The following GALNT16 variants were observed in gnomAD, a reference collection of about 807,000 sequenced individuals.
GALNT16 encodes the protein UDP-GalNAc:polypeptide N-acetylgalactosaminyltransferase-like protein 1.
A neutral mutation model predicts 76.1 loss-of-function variants in GALNT16; 40 were observed. That is an observed-to-expected ratio of 0.53 (90% confidence interval 0.41 to 0.68). The LOEUF is 0.68. GALNT16 is among the 30% of genes least tolerant of loss of function. The pLI, the probability that GALNT16 is intolerant of heterozygous loss-of-function variation, is 0.00. For missense variants in GALNT16, 621 were observed against 731.9 expected, an observed-to-expected ratio of 0.85 and a Z score of 1.75; for synonymous variants, 276 against 285.2, an observed-to-expected ratio of 0.97 and a Z score of 0.32.
chr14:69,265,694 G>C (rs143551190), intron 1 of GALNT16, among the ~76,000 whole-genome samples: 1 of 152,362 alleles, frequency 6.6e-6, no homozygotes, highest in Non-Finnish European at 1.5e-5. Context: ...GACGTGGAAA[G>C]GAGCAGAGGA....
intron 1 of GALNT16, among the ~76,000 whole-genome samples, chr14:69,300,529 G>T (rs1373091978): frequency 6.6e-6 from 1 of 152,178 alleles, no homozygotes; most frequent in African/African-American, 2.4e-5. Context: ...AGGGTCTGGG[G>T]TGATGTTTGA....
the GALNT16 span, among the ~76,000 whole-genome samples, chr14:69,377,154 TCA>T: frequency 6.6e-6 from 1 of 152,192 alleles, no homozygotes; most frequent in East Asian, 1.9e-4. Context: ...TAAGACCTCT[TCA>T]GGTCTTGTGA....
intron 1 of GALNT16, among the ~76,000 whole-genome samples, chr14:69,269,576 G>A (rs1224552520): frequency 6.6e-6 from 1 of 150,630 alleles, no homozygotes; most frequent in East Asian, 2.0e-4. Context: ...TATAGTGTGT[G>A]TGTGTGATTT....
At chr14:69,384,924 C>T in the GALNT16 span, among the ~76,000 whole-genome samples, 15 of 152,230 alleles carry the variant, frequency 9.9e-5, no homozygotes, top group African/African-American at 3.6e-4. Flanking sequence ...CATCTCCTAC[C>T]CTCTCTTGGC....
At chr14:69,337,171 A>G (rs1052770854) in intron 9 of GALNT16, among the ~76,000 whole-genome samples, 3 of 152,220 alleles carry the variant, frequency 2.0e-5, no homozygotes, top group Non-Finnish European at 2.9e-5. Flanking sequence ...TGCTGAGTGA[A>G]CTAAAGAATC....
At position 69,333,352 on chromosome 14, in the gene GALNT16, GGGCCAGGGAGCT is replaced by G; in HGVS notation, c.864-138_864-127del. ...CAGAGGCCACGGGAACAGATGTGGG[GGGCCAGGGAGCT>G]GGCCAGACATCCTGCCCCAGTGACT... On this transcript the variant is annotated intron_variant, in intron 8 of 14. Transcript: ENST00000448469. The surrounding 1 kb of genome is among the most constrained non-coding windows in gnomAD (Gnocchi z 4.2). 2 of 706,916 alleles carry G rather than the reference GGGCCAGGGAGCT, an allele frequency of 2.8e-6. No homozygotes were observed. Among genetic ancestry groups the G allele is most frequent in the Non-Finnish European group, 5.0e-6 (2 of 398,944 alleles). The allele number at this position is 706,916 out of a possible 1,614,324, so 43.8% of individuals were successfully genotyped here.
intron 1 of GALNT16, among the ~76,000 whole-genome samples, chr14:69,308,088 C>T (rs577236061): frequency 1.8e-4 from 28 of 152,314 alleles, no homozygotes; most frequent in African/African-American, 6.5e-4. Context: ...TCCATCAGGA[C>T]TAAGCTACTC....
the GALNT16 span, among the ~76,000 whole-genome samples, chr14:69,374,876 A>G: frequency 6.6e-6 from 1 of 152,222 alleles, no homozygotes; most frequent in Non-Finnish European, 1.5e-5. Flanking sequence ...GAGAGCAAGA[A>G]AGAGAGCAGG....
chr14:69,314,004 C>A (rs577556712), intron 1 of GALNT16, among the ~76,000 whole-genome samples: 1 of 152,194 alleles, frequency 6.6e-6, no homozygotes, highest in Non-Finnish European at 1.5e-5. Context: ...CTTGGTAGCA[C>A]ATTGGAACTG....
Position 69,333,467 on chromosome 14 carries a change from G to A in GALNT16, c.864-30G>A, listed in dbSNP as rs374980544. 272 of 1,352,100 alleles carry A rather than the reference G, an allele frequency of 2.0e-4. No individual in the cohort carries two copies. Among genetic ancestry groups the A allele is most frequent in the Non-Finnish European group, 2.7e-4 (257 of 941,654 alleles). 83.8% of individuals were successfully genotyped at this position (1,352,100 alleles called of 1,614,324 possible). On this transcript the variant is annotated intron_variant, in intron 8 of 14. Transcript: ENST00000448469. The surrounding 1 kb of genome is among the most constrained non-coding windows in gnomAD (Gnocchi z 4.2). ...GGGCCTCCTTGCTTCTCCAGCTCAC[G>A]TGTTGCGTCTTCCCTCTCCTTGCTC...
chr14:69,309,660 C>T (rs1199695682), intron 1 of GALNT16, among the ~76,000 whole-genome samples: 2 of 152,086 alleles, frequency 1.3e-5, no homozygotes, highest in African/African-American at 4.8e-5. Context: ...GCTTATATTC[C>T]TTTTTAAATA....
intron 1 of GALNT16, among the ~76,000 whole-genome samples, chr14:69,283,284 G>T (rs546244765): frequency 6.6e-6 from 1 of 152,338 alleles, no homozygotes; most frequent in South Asian, 2.1e-4. Flanking sequence ...GCATCAGGGA[G>T]TGCACCTAGT....
In GALNT16 at chr14:69,333,236, G is replaced by A. The variant is rs2045378054; in HGVS notation, c.863+67G>A. On this transcript the variant is annotated intron_variant, in intron 8 of 14. Transcript: ENST00000448469. The surrounding 1 kb of genome is among the most constrained non-coding windows in gnomAD (Gnocchi z 4.2). ...GGGTCAGGGGCCTGGGAGGCTCTTG[G>A]GAGGCTGTATCGGTCGCTTGGGCTC... is the stretch of plus-strand genomic sequence containing the variant. The A allele has an allele frequency of 8.7e-7, 1 of 1,143,592 alleles. No homozygotes were observed. The highest frequency in any genetic ancestry group is 1.3e-6 in the Non-Finnish European group (1 of 785,354). 70.8% of individuals were successfully genotyped at this position (1,143,592 alleles called of 1,614,324 possible). A position where few individuals can be genotyped will look rare whatever the true frequency, so the allele number is the denominator to read the frequency against.
intron 1 of GALNT16, among the ~76,000 whole-genome samples, chr14:69,282,838 G>T (rs1322613869): frequency 6.6e-6 from 1 of 151,958 alleles, no homozygotes; most frequent in Non-Finnish European, 1.5e-5. Flanking sequence ...GCTAATTTTT[G>T]TATTTTTGGT....
At position 69,330,592 on chromosome 14, in the gene GALNT16, G is replaced by C. The variant is rs539628846; in HGVS notation, c.691-872G>C. Among the ~76,000 whole-genome samples, 6 of 152,328 alleles carry C rather than the reference G, an allele frequency of 3.9e-5. No homozygotes were observed. In the South Asian group the frequency reaches 6.2e-4, roughly 16 times the overall value. ...TGAAAAACCATCAAAGGTCTCTGTT[G>C]ATCAGCCCCATCCCGGGCTTCCGTT... is the stretch of plus-strand genomic sequence containing the variant. On this transcript the variant is annotated intron_variant, in intron 6 of 14. Coordinates refer to ENST00000448469, the MANE Select transcript of GALNT16 (RefSeq NM_001168368.2).
Position 69,342,483 on chromosome 14 carries a change from AGGG to A in GALNT16, c.1271+720_1271+722del, listed in dbSNP as rs1407458607. 1.3e-3 allele frequency among the ~76,000 whole-genome samples: 29 copies of A among 22,532 alleles called. 2 individuals carry two copies. Among genetic ancestry groups the A allele is most frequent in the South Asian group, 5.0e-3 (2 of 398 alleles). The allele number at this position is 22,532 out of a possible 152,430, so 14.8% of individuals were successfully genotyped here. Reference sequence around the variant, plus strand: ...GGTGGAAGAAGGAAGGAAGGGAGGGAGGGAGGGAGGGAGGGAGGGAGGGAGGAA... The same window carrying A: ...GGTGGAAGAAGGAAGGAAGGGAGGGAAGGGAGGGAGGGAGGGAGGGAGGAA... On this transcript the variant is annotated intron_variant, in intron 12 of 14. Transcript: ENST00000448469.
intron 1 of GALNT16, among the ~76,000 whole-genome samples, chr14:69,274,094 T>C (rs917795697): frequency 2.0e-5 from 3 of 152,222 alleles, no homozygotes; most frequent in Admixed American, 1.3e-4. Context: ...TCCATGCCTC[T>C]GGTTTCTCAT....
chr14:69,265,362 C>T (rs943975245), intron 1 of GALNT16, among the ~76,000 whole-genome samples: 7 of 152,166 alleles, frequency 4.6e-5, no homozygotes, highest in African/African-American at 1.7e-4. Flanking sequence ...CAATTTACCC[C>T]CGAGCTGCTC....
intron 5 of GALNT16, among the ~76,000 whole-genome samples, chr14:69,326,557 G>GAA (rs1196067390): frequency 1.3e-5 from 2 of 152,168 alleles, no homozygotes; most frequent in East Asian, 1.9e-4. Flanking sequence ...ATGGATATCA[G>GAA]AGGAGAGCTG....
Sources: gnomAD v4.1 joint callset for allele counts (sites outside exome capture counted in the v4.1 genomes callset) on GRCh38, gnomAD v4.1.1 for gene constraint, Gnocchi (gnomAD v3.1) non-coding constraint, MANE v1.5 for transcripts, NCBI Gene and HGNC (gene_info 2026-07-23, HGNC 2026-07-21) for gene names.